PHACTR2: variants seen among roughly 807,000 people sequenced by gnomAD.
The protein encoded by PHACTR2 is phosphatase and actin regulator 2.
Under a neutral mutation model 76.0 loss-of-function variants are expected in PHACTR2, and 30 were observed. That is an observed-to-expected ratio of 0.39 (90% confidence interval 0.30 to 0.54). The LOEUF (loss-of-function observed/expected upper bound fraction) is 0.54. Ranked by LOEUF, PHACTR2 falls within the 20% of genes least tolerant of loss-of-function variation. The probability of loss-of-function intolerance (pLI) is 0.61; values close to 1 mark genes in which losing one functional copy is unlikely to be tolerated. For missense variants in PHACTR2, 696 were observed against 781.1 expected (o/e 0.89, Z 1.30); for synonymous variants, 292 against 292.5 (o/e 1.00, Z 0.02).
intron 1 of PHACTR2, among the ~76,000 whole-genome samples, chr6:143,587,993 C>T (rs1165413436): frequency 8.1e-6 from 1 of 123,770 alleles, no homozygotes; most frequent in Non-Finnish European, 1.9e-5. Flanking sequence ...AGCCTGGCAA[C>T]AAGAGTGAAA....
At position 143,823,838 on chromosome 6, in the gene PHACTR2, G is replaced by A; in HGVS notation, c.*149G>A. 1 of 703,406 alleles carries A rather than the reference G, an allele frequency of 1.4e-6. No individual in the cohort carries two copies. The highest frequency in any genetic ancestry group is 1.6e-5 in the South Asian group (1 of 61,870). The allele number at this position is 703,406 out of a possible 1,614,324, so 43.6% of individuals were successfully genotyped here. On this transcript the variant is annotated 3_prime_UTR_variant, in exon 13 of 13. Transcript: ENST00000440869. The surrounding 1 kb of genome is among the most constrained non-coding windows in gnomAD (Gnocchi z 5.7). ...GTGTGTGACTCAGCTTGGCTGGGAA[G>A]TGCTCCTCACCTGTGTGGCCCAGAT...
At chr6:143,812,857 T>G (rs574630451) in intron 12 of PHACTR2, among the ~76,000 whole-genome samples, 2 of 152,332 alleles carry the variant, frequency 1.3e-5, no homozygotes, top group South Asian at 4.1e-4. Flanking sequence ...CAAAAGCCAC[T>G]TCCTTTTCCA....
intron 6 of PHACTR2, among the ~76,000 whole-genome samples, chr6:143,771,984 A>G (rs551050490): frequency 6.6e-6 from 1 of 152,194 alleles, no homozygotes; most frequent in African/African-American, 2.4e-5. Flanking sequence ...GCTGTAGCTG[A>G]CACTTGAAGG....
At chr6:143,682,774 TTG>T (rs201147433) in intron 1 of PHACTR2, among the ~76,000 whole-genome samples, 8 of 134,264 alleles carry the variant, frequency 6.0e-5, no homozygotes, top group African/African-American at 2.2e-4. Context: ...AGTTGTTTTT[TTG>T]TTTTTTGTTT....
At chr6:143,682,869 C>G (rs1777427981) in intron 1 of PHACTR2, among the ~76,000 whole-genome samples, 1 of 151,998 alleles carries the variant, frequency 6.6e-6, no homozygotes, top group South Asian at 2.1e-4. Context: ...TCTGCTATTC[C>G]TACTTTGTCA....
upstream of PHACTR2, among the ~76,000 whole-genome samples, chr6:143,607,630 A>G (rs1370238850): frequency 2.0e-5 from 3 of 152,272 alleles, no homozygotes; most frequent in East Asian, 1.9e-4. Context: ...AAATAGAAGA[A>G]CTAGTCATGA....
intron 1 of PHACTR2, among the ~76,000 whole-genome samples, chr6:143,635,299 T>C (rs1776430793): frequency 6.9e-6 from 1 of 145,484 alleles, no homozygotes; most frequent in South Asian, 2.3e-4. Context: ...CTAGTTCATA[T>C]TGACGGAGCA....
chr6:143,562,016 A>G lies in PHACTR2; in HGVS notation c.217+24809A>G, dbSNP rs573771350. 6.6e-6 allele frequency: 1 copy of G among 152,254 alleles called. No homozygotes were observed. Among genetic ancestry groups the G allele is most frequent in the Admixed American group, 6.5e-5 (1 of 15,290 alleles). 9.4% of individuals were successfully genotyped at this position (152,254 alleles called of 1,614,324 possible). On this transcript the variant is annotated intron_variant, in intron 1 of 11. Transcript: ENST00000367584. The surrounding 1 kb of genome is among the most constrained non-coding windows in gnomAD (Gnocchi z 5.1). ...TTGGAGGGCCTCCTGTCTCTTCTTC[A>G]TCTGACGCAGAGCTTCTGCTCATTC... is the stretch of plus-strand genomic sequence containing the variant.
In PHACTR2 at chr6:143,767,762, A is replaced by C. The variant is rs1379179776; in HGVS notation, c.1232+1964A>C. On this transcript the variant is annotated intron_variant, in intron 6 of 12. Transcript: ENST00000440869. The surrounding 1 kb of genome is among the most constrained non-coding windows in gnomAD (Gnocchi z 4.4). ...GGCATTAATCTATTCACGAGGGCAGAGCCTTCATGACTTAAACACCTCCCA... is the reference window on the plus strand; with the variant it reads ...GGCATTAATCTATTCACGAGGGCAGCGCCTTCATGACTTAAACACCTCCCA... 6.6e-6 allele frequency among the ~76,000 whole-genome samples: 1 copy of C among 152,190 alleles called. No individual in the cohort carries two copies. The highest frequency in any genetic ancestry group is 1.5e-5 in the Non-Finnish European group (1 of 68,034).
At chr6:143,796,085 A>T (rs903695386) in intron 11 of PHACTR2, among the ~76,000 whole-genome samples, 1 of 152,238 alleles carries the variant, frequency 6.6e-6, no homozygotes, top group African/African-American at 2.4e-5. Context: ...AAAATTGAAT[A>T]AGACAAACTG....
Position 143,680,858 on chromosome 6 carries a change from ATG to A in PHACTR2, c.46+2653_46+2654del, listed in dbSNP as rs1195065395. On this transcript the variant is annotated intron_variant, in intron 1 of 12. Coordinates refer to ENST00000440869, the MANE Select transcript of PHACTR2 (RefSeq NM_001100164.2). The surrounding 1 kb of genome is among the most constrained non-coding windows in gnomAD (Gnocchi z 4.5). ...AACATTTCATGTCAATGGAATCATA[ATG>A]TGTCATTTTGTGACTGGCTTCTTTC... Among the ~76,000 whole-genome samples, 1 of 152,172 alleles carries A rather than the reference ATG, an allele frequency of 6.6e-6. No individual in the cohort carries two copies. The highest frequency in any genetic ancestry group is 1.5e-5 in the Non-Finnish European group (1 of 68,008).
At position 143,543,123 on chromosome 6, in the gene PHACTR2, G is replaced by C. The variant is rs1366026880; in HGVS notation, c.217+5916G>C. On this transcript the variant is annotated intron_variant, in intron 1 of 11. Transcript: ENST00000367584. The surrounding 1 kb of genome is among the most constrained non-coding windows in gnomAD (Gnocchi z 4.7). The stretch of plus-strand genomic sequence containing the variant: ...AGTGTCTCTGGTGATCTAAGCTATA[G>C]GCCTTGCATCATGCTCAGTAAATAA... Among the ~76,000 whole-genome samples, 1 of 152,194 alleles carries C rather than the reference G, an allele frequency of 6.6e-6. No homozygotes were observed. The highest frequency in any genetic ancestry group is 1.5e-5 in the Non-Finnish European group (1 of 68,036).
chr6:143,784,356 C>T lies in PHACTR2; in HGVS notation c.1707+1076C>T, dbSNP rs1433995744. Among the ~76,000 whole-genome samples the T allele has an allele frequency of 6.6e-6, 1 of 152,164 alleles. No individual in the cohort carries two copies. On this transcript the variant is annotated intron_variant, in intron 10 of 12. Transcript: ENST00000440869. The surrounding 1 kb of genome is among the most constrained non-coding windows in gnomAD (Gnocchi z 4.5). The stretch of plus-strand genomic sequence containing the variant: ...ACTTTTTTCTGTGTTAAAGTAATAG[C>T]CTTTGGAAAAATCAAGCACCATCAG...
rs1346718256 is a variant in PHACTR2 at position 143,780,740 on chromosome 6, G to A, written c.1646-2479G>A. Among the ~76,000 whole-genome samples the A allele has an allele frequency of 6.6e-6, 1 of 152,136 alleles. No homozygotes were observed. The highest frequency in any genetic ancestry group is 1.5e-5 in the Non-Finnish European group (1 of 68,032). ...ATGCTTCTTGCGGGTCGTCCGAAAT[G>A]TTCGCCCCTCTCTGCTCTGATGAGA... On this transcript the variant is annotated intron_variant, in intron 9 of 12. Transcript: ENST00000440869. This position sits in a 1 kb window ranked among gnomAD's most constrained non-coding sequence, Gnocchi z 4.4.
chr6:143,661,980 A>G (rs998404797), intron 1 of PHACTR2, among the ~76,000 whole-genome samples: 14 of 152,216 alleles, frequency 9.2e-5, no homozygotes, highest in African/African-American at 3.4e-4. Flanking sequence ...TTAAAATGGC[A>G]ATATTCCAAG....
chr6:143,812,544 C>CT (rs1776201326), intron 12 of PHACTR2, among the ~76,000 whole-genome samples: 1 of 152,186 alleles, frequency 6.6e-6, no homozygotes, highest in African/African-American at 2.4e-5. Flanking sequence ...TGGTGCTCTA[C>CT]TCTTTCATCT....
rs1462759153 is a variant in PHACTR2, at chr6:143,789,005, A to T, written c.1845+95A>T. 1.8e-6 allele frequency: 2 copies of T among 1,086,612 alleles called. No individual in the cohort carries two copies. Among genetic ancestry groups the T allele is most frequent in the Admixed American group, 2.1e-5 (1 of 48,406 alleles). 67.3% of individuals were successfully genotyped at this position (1,086,612 alleles called of 1,614,324 possible). A position where few individuals can be genotyped will look rare whatever the true frequency, so the allele number is the denominator to read the frequency against. ...TACTTAAGTCATCCCAGGGGACGAG[A>T]TCTTACCAAATATTACAACAGTTTT... is the stretch of plus-strand genomic sequence containing the variant. On this transcript the variant is annotated intron_variant, in intron 11 of 12. Coordinates refer to ENST00000440869, the MANE Select transcript of PHACTR2 (RefSeq NM_001100164.2). This position sits in a 1 kb window ranked among gnomAD's most constrained non-coding sequence, Gnocchi z 5.1.
In PHACTR2 at chr6:143,589,809, T is replaced by C. The variant is rs1004844419; in HGVS notation, c.217+52602T>C. Among the ~76,000 whole-genome samples, 11 of 152,316 alleles carry C rather than the reference T, an allele frequency of 7.2e-5. No homozygotes were observed. Among genetic ancestry groups the C allele is most frequent in the African/African-American group, 2.4e-4 (10 of 41,570 alleles). On this transcript the variant is annotated intron_variant, in intron 1 of 11. Coordinates refer to the PHACTR2 transcript ENST00000367584. This position sits in a 1 kb window ranked among gnomAD's most constrained non-coding sequence, Gnocchi z 4.4. ...GACACAATTCAGTCCATTGCACTAATCTTATGCAAACTATTTCATATTATA... is the reference window on the plus strand; with the variant it reads ...GACACAATTCAGTCCATTGCACTAACCTTATGCAAACTATTTCATATTATA...
chr6:143,677,338 G>A (rs1256929335), upstream of PHACTR2, among the ~76,000 whole-genome samples: 1 of 152,100 alleles, frequency 6.6e-6, no homozygotes, highest in African/African-American at 2.4e-5. Context: ...GGATATTATA[G>A]AAGGGTTTAA....
Sources: allele counts gnomAD v4.1 joint callset (sites outside exome capture counted in the v4.1 genomes callset), GRCh38; gene constraint gnomAD v4.1.1; non-coding constraint Gnocchi (gnomAD v3.1); transcripts MANE v1.5; gene names NCBI Gene and HGNC (gene_info 2026-07-23, HGNC 2026-07-21).